Variants in LRBA observed in about 807,000 individuals in gnomAD.
LRBA encodes lipopolysaccharide-responsive and beige-like anchor protein.
In LRBA, 176 loss-of-function variants were observed where a neutral mutation model predicts 330.0. That is an observed-to-expected ratio of 0.53 (90% CI 0.47 to 0.60). LRBA has a LOEUF of 0.60. LRBA is among the 20% of genes least tolerant of loss of function. The pLI, the probability that LRBA is intolerant of heterozygous loss-of-function variation, is 0.00. For synonymous variants in LRBA, 1,230 were observed against 1,193.0 expected, an observed-to-expected ratio of 1.03 and a Z score of -0.64; for missense variants, 3,259 against 3,444.8, an observed-to-expected ratio of 0.95 and a Z score of 1.35.
intron 44 of LRBA, among the ~76,000 whole-genome samples, chr4:150,440,203 G>A (rs184874437): frequency 5.3e-5 from 8 of 152,158 alleles, no homozygotes; most frequent in African/African-American, 1.9e-4. Context: ...CATTAAAAAT[G>A]GTCATAATTT....
In LRBA at chr4:150,889,819, T is replaced by C. The variant is rs537277693; in HGVS notation, c.2165+3233A>G. Among the ~76,000 whole-genome samples, 4 of 152,102 alleles carry C rather than the reference T, an allele frequency of 2.6e-5. No individual in the cohort carries two copies. In the South Asian group the frequency reaches 8.3e-4, roughly 32 times the overall value. Reference sequence around the variant, plus strand: ...TGTTGTTATAGCAGGAAACTAACCATAGGCAATATTTAAGAGAATGAGAGT... The same window carrying C: ...TGTTGTTATAGCAGGAAACTAACCACAGGCAATATTTAAGAGAATGAGAGT... On this transcript the variant is annotated intron_variant, in intron 17 of 56. Transcript: ENST00000651943.
chr4:150,824,616 G>A (rs1479632220), intron 30 of LRBA, among the ~76,000 whole-genome samples: 2 of 152,058 alleles, frequency 1.3e-5, no homozygotes, highest in Non-Finnish European at 2.9e-5. Flanking sequence ...TTTTTATCAT[G>A]AAGGAATAGT....
intron 37 of LRBA, among the ~76,000 whole-genome samples, chr4:150,632,458 C>T (rs991110121): frequency 1.3e-5 from 2 of 152,292 alleles, no homozygotes; most frequent in Admixed American, 6.5e-5. Flanking sequence ...TCAATAAAAA[C>T]TTGTTGCATG....
rs1163553946 is a variant in LRBA, at chr4:151,014,624, G to T, written c.19C>A (p.Arg7Ser). Residue 7 changes from arginine (R) to serine (S), a missense_variant, in exon 2 of 57, where the codon CGT becomes AGT. Physicochemically the swap from Arg to Ser is moderately radical, Grantham distance 110. Transcript: ENST00000651943. Reference protein sequence around the residue: MASEDNRVPSPPPTGDD... With the variant: MASEDNSVPSPPPTGDD... ...CCTGTTGGTGGCGGGGAAGGGACAC[G>T]ATTGTCTTCGCTAGCCATTGCTAGC... 3.1e-6 allele frequency: 5 copies of T among 1,603,104 alleles called. No individual in the cohort carries two copies. The highest frequency in any genetic ancestry group is 1.1e-5 in the South Asian group (1 of 89,788).
At chr4:150,638,184 G>A (rs553025060) in intron 37 of LRBA, among the ~76,000 whole-genome samples, 18 of 151,448 alleles carry the variant, frequency 1.2e-4, no homozygotes, top group Admixed American at 3.3e-4. Context: ...GGCAAGCACC[G>A]CTATGCCTGG....
At chr4:150,592,629 A>C (rs1773031921) in intron 38 of LRBA, among the ~76,000 whole-genome samples, 1 of 151,990 alleles carries the variant, frequency 6.6e-6, no homozygotes, top group Non-Finnish European at 1.5e-5. Context: ...AAGTGGCTTT[A>C]TTTATTTTTT....
intron 35 of LRBA, among the ~76,000 whole-genome samples, chr4:150,750,314 T>C (rs540478780): frequency 6.6e-6 from 1 of 152,294 alleles, no homozygotes; most frequent in East Asian, 1.9e-4. Flanking sequence ...TGGATTATAA[T>C]CAATAAATGG....
rs553746807 is a variant in LRBA, at chr4:150,795,770, T to C, written c.5580+2311A>G. Among the ~76,000 whole-genome samples the C allele has an allele frequency of 6.6e-5, 10 of 152,094 alleles. No homozygotes were observed. The South Asian group carries it at 1.7e-3, about 25-fold the overall frequency. On this transcript the variant is annotated intron_variant, in intron 34 of 56. Transcript: ENST00000651943. Reference sequence around the variant, plus strand: ...AAATATATAGTGATCTGTTTGGTTTTATTGTCAGCTAACCAAATGTGATCA... The same window carrying C: ...AAATATATAGTGATCTGTTTGGTTTCATTGTCAGCTAACCAAATGTGATCA...
At chr4:150,970,537 G>C (rs1039011552) in intron 2 of LRBA, 3 of 41,140 alleles carry the variant, frequency 7.3e-5, no homozygotes, top group Admixed American at 6.4e-4. Context: ...GTGTGTGTGT[G>C]TGTGTGTGTG....
chr4:150,475,095 T>C (rs1030869379), intron 42 of LRBA, among the ~76,000 whole-genome samples: 10 of 152,220 alleles, frequency 6.6e-5, no homozygotes, highest in Admixed American at 6.6e-4. Flanking sequence ...ATTTTCATAT[T>C]TAAATTAACT....
chr4:150,426,418 A>G (rs577984703), intron 46 of LRBA, among the ~76,000 whole-genome samples: 6 of 152,156 alleles, frequency 3.9e-5, no homozygotes, highest in Non-Finnish European at 8.8e-5. Flanking sequence ...TCAATCTGAT[A>G]TAGTAGAAAA....
At chr4:150,477,837 G>A (rs980069318) in intron 42 of LRBA, among the ~76,000 whole-genome samples, 4 of 151,976 alleles carry the variant, frequency 2.6e-5, no homozygotes, top group African/African-American at 9.7e-5. Context: ...ATGATTGTAA[G>A]TTTCCTGAAG....
intron 36 of LRBA, chr4:150,683,942 T>C (rs1185546042): frequency 9.1e-6 from 4 of 439,890 alleles, no homozygotes; most frequent in Non-Finnish European, 1.6e-5. Flanking sequence ...GTGGTAAACA[T>C]TCAAGTAGAG....
At chr4:150,883,094 C>T (rs1728580570) in intron 17 of LRBA, among the ~76,000 whole-genome samples, 1 of 152,088 alleles carries the variant, frequency 6.6e-6, no homozygotes, top group Admixed American at 6.5e-5. Flanking sequence ...GTGCTTACAC[C>T]CCCATTTAAC....
chr4:150,271,051 G>A (rs1246719371), intron 56 of LRBA, among the ~76,000 whole-genome samples: 8 of 152,172 alleles, frequency 5.3e-5, no homozygotes, highest in Admixed American at 1.3e-4. Flanking sequence ...TGCAGCCCAC[G>A]GAGGGCAAGC....
At chr4:150,359,071 TA>T (rs1416708096) in intron 47 of LRBA, among the ~76,000 whole-genome samples, 1 of 151,962 alleles carries the variant, frequency 6.6e-6, no homozygotes, top group East Asian at 1.9e-4. Context: ...AAACTTGAAT[TA>T]AAAAAAAGCA....
intron 34 of LRBA, among the ~76,000 whole-genome samples, chr4:150,771,636 C>T (rs1173020627): frequency 6.6e-6 from 1 of 152,090 alleles, no homozygotes; most frequent in Non-Finnish European, 1.5e-5. Flanking sequence ...AATCAACTTG[C>T]TACCAGGTAA....
At chr4:150,298,618 T>C (rs1729261356) in intron 53 of LRBA, among the ~76,000 whole-genome samples, 1 of 152,120 alleles carries the variant, frequency 6.6e-6, no homozygotes, top group African/African-American at 2.4e-5. Context: ...ACCTTCTTTC[T>C]AATTAACGGT....
chr4:150,736,051 A>G (rs1294057076), intron 35 of LRBA, among the ~76,000 whole-genome samples: 3 of 152,226 alleles, frequency 2.0e-5, no homozygotes, highest in African/African-American at 7.2e-5. Flanking sequence ...GCAAAACCCC[A>G]GGTTTTCAGA....
Sources: gnomAD v4.1 joint callset for allele counts (sites outside exome capture counted in the v4.1 genomes callset) on GRCh38, gnomAD v4.1.1 for gene constraint, MANE v1.5 for transcripts, NCBI Gene and HGNC (gene_info 2026-07-23, HGNC 2026-07-21) for gene names.